Variants in ACAP2 observed in about 807,000 individuals in gnomAD.
ACAP2 encodes the protein ArfGAP with coiled-coil, ankyrin repeat and PH domains 2.
Under a neutral mutation model 115.8 loss-of-function variants are expected in ACAP2, and 39 were observed. That is an observed-to-expected ratio of 0.34 (90% CI 0.26 to 0.44). The LOEUF is 0.44. ACAP2 is among the 20% of genes least tolerant of loss of function. The pLI is 1.00. For synonymous variants in ACAP2, 289 were observed against 315.8 expected (o/e 0.92, Z 0.90); for missense variants, 662 against 927.6 (o/e 0.71, Z 3.72).
At chr3:195,377,715 T>C (rs1348403585) in intron 4 of ACAP2, among the ~76,000 whole-genome samples, 1 of 152,152 alleles carries the variant, frequency 6.6e-6, no homozygotes, top group Non-Finnish European at 1.5e-5. Flanking sequence ...GATGGTATAT[T>C]AACTATAAAA....
intron 4 of ACAP2, among the ~76,000 whole-genome samples, chr3:195,360,570 C>T (rs946530522): frequency 6.6e-6 from 1 of 152,044 alleles, no homozygotes; most frequent in Non-Finnish European, 1.5e-5. Context: ...CCAAGGCGGG[C>T]GATCACCTGA....
chr3:195,343,316 G>C (rs1730993790), intron 5 of ACAP2, among the ~76,000 whole-genome samples: 1 of 152,148 alleles, frequency 6.6e-6, no homozygotes, highest in South Asian at 2.1e-4. Flanking sequence ...ACAGGGCACT[G>C]GTTAAAAATG....
At chr3:195,381,330 C>T (rs1389239782) in intron 3 of ACAP2, among the ~76,000 whole-genome samples, 2 of 152,054 alleles carry the variant, frequency 1.3e-5, no homozygotes, top group Non-Finnish European at 1.5e-5. Context: ...TAAATATAAA[C>T]CTAAGGTAAA....
intron 1 of ACAP2, among the ~76,000 whole-genome samples, chr3:195,417,434 C>A (rs1295777162): frequency 6.6e-6 from 1 of 152,074 alleles, no homozygotes; most frequent in African/African-American, 2.4e-5. Context: ...CTTCCTCATG[C>A]CCCATATCCA....
At position 195,443,016 on chromosome 3, in the gene ACAP2, G is replaced by C; in HGVS notation, c.-169C>G. ...GCAGCCGCGAAGACGGCGACGACTA[G>C]TCAGGCCCCAGTCCCGCCCCTCTTC... is the stretch of plus-strand genomic sequence containing the variant. On this transcript the variant is annotated 5_prime_UTR_variant, in exon 1 of 23. Transcript: ENST00000326793. 1 of 539,996 alleles carries C rather than the reference G, an allele frequency of 1.9e-6. No homozygotes were observed. Among genetic ancestry groups the C allele is most frequent in the Non-Finnish European group, 3.1e-6 (1 of 320,816 alleles). 33.5% of individuals were successfully genotyped at this position (539,996 alleles called of 1,614,324 possible).
intron 1 of ACAP2, among the ~76,000 whole-genome samples, chr3:195,400,729 C>T (rs1288802666): frequency 6.6e-6 from 1 of 152,132 alleles, no homozygotes; most frequent in Non-Finnish European, 1.5e-5. Flanking sequence ...TTGTAAACTT[C>T]ATGATTCATA....
At chr3:195,323,645 C>T (rs9844354) in intron 9 of ACAP2, among the ~76,000 whole-genome samples, 47,131 of 151,872 alleles carry the variant, frequency 0.31, 8,441 homozygotes, top group East Asian at 0.82. Flanking sequence ...AAGAATTTGC[C>T]GGCCAGGAAC....
rs548757359 is a variant in ACAP2 at position 195,374,033 on chromosome 3, A to G, written c.285+6976T>C. 7.2e-4 allele frequency among the ~76,000 whole-genome samples: 109 copies of G among 152,294 alleles called. No homozygotes were observed. In the Middle Eastern group the frequency reaches 0.014, roughly 19 times the overall value. On this transcript the variant is annotated intron_variant, in intron 4 of 22. Transcript: ENST00000326793. Reference sequence around the variant, plus strand: ...TCTGAATTCAAAAAAAGAATTATTAAAAGTAGGCAGAAGGGGGAAAAGGTA... The same window carrying G: ...TCTGAATTCAAAAAAAGAATTATTAGAAGTAGGCAGAAGGGGGAAAAGGTA...
At chr3:195,334,371 G>A (rs1011836619) in intron 7 of ACAP2, among the ~76,000 whole-genome samples, 2 of 152,032 alleles carry the variant, frequency 1.3e-5, no homozygotes, top group Non-Finnish European at 2.9e-5. Context: ...AATTTAAAAA[G>A]AGGGATGGGA....
rs755754612 is a variant in ACAP2, at chr3:195,333,079, T to C, written c.618A>G (p.Gly206=). The change falls in exon 8 of 23, where the codon GGA becomes GGG. Residue 206 remains glycine (G), a synonymous_variant. Transcript: ENST00000326793. The stretch of plus-strand genomic sequence containing the variant: ...GTCCAAGTTCACTAAACAGATCATA[T>C]CCTTGATGAAAGAAGGCCAAATGGG... ...MYAHLAFFHQ[G]YDLFSELGPY... is the part of the protein sequence containing the mutation. The C allele has an allele frequency of 7.5e-6, 12 of 1,610,116 alleles. No individual in the cohort carries two copies. The highest frequency in any genetic ancestry group is 4.0e-5 in the African/African-American group (3 of 74,520).
chr3:195,309,545 CAA>C (rs199627783), intron 10 of ACAP2, among the ~76,000 whole-genome samples: 14 of 106,508 alleles, frequency 1.3e-4, no homozygotes, highest in Admixed American at 1.9e-4. Flanking sequence ...GACTCCGTCT[CAA>C]AAAAAAAAAA....
At chr3:195,436,093 A>G (rs1715517548) in intron 1 of ACAP2, among the ~76,000 whole-genome samples, 3 of 150,060 alleles carry the variant, frequency 2.0e-5, no homozygotes. Flanking sequence ...ATACACATAC[A>G]CACACACAGA....
chr3:195,429,738 T>C (rs963472514), intron 1 of ACAP2, among the ~76,000 whole-genome samples: 2 of 152,158 alleles, frequency 1.3e-5, no homozygotes, highest in Non-Finnish European at 2.9e-5. Context: ...TTTGGGTGCT[T>C]CTACTTTAGG....
chr3:195,403,261 G>A (rs1712469517), intron 1 of ACAP2, among the ~76,000 whole-genome samples: 1 of 152,194 alleles, frequency 6.6e-6, no homozygotes, highest in Non-Finnish European at 1.5e-5. Context: ...AAGGGAGAGA[G>A]CTGCGGAAGA....
At chr3:195,408,549 C>A (rs1264785647) in intron 1 of ACAP2, among the ~76,000 whole-genome samples, 1 of 152,162 alleles carries the variant, frequency 6.6e-6, no homozygotes, top group Non-Finnish European at 1.5e-5. Context: ...TTACACCAAC[C>A]CTTCTCAGAC....
At chr3:195,392,573 C>A (rs954716466) in intron 1 of ACAP2, among the ~76,000 whole-genome samples, 9 of 152,188 alleles carry the variant, frequency 5.9e-5, no homozygotes, top group Non-Finnish European at 1.3e-4. Context: ...CAGAACAATA[C>A]CACCCTTGTT....
intron 15 of ACAP2, among the ~76,000 whole-genome samples, chr3:195,300,554 T>G (rs1317300911): frequency 6.6e-6 from 1 of 152,212 alleles, no homozygotes; most frequent in Non-Finnish European, 1.5e-5. Flanking sequence ...AAAGGAAGAC[T>G]TGGTATGATG....
In ACAP2 at chr3:195,278,165, T is replaced by C. The variant is rs1001525309; in HGVS notation, c.*1163A>G. On this transcript the variant is annotated 3_prime_UTR_variant, in exon 23 of 23. Coordinates refer to ENST00000326793, the MANE Select transcript of ACAP2 (RefSeq NM_012287.6). ...TGGAATCAGACTAATTTGTAGCATA[T>C]AAATGGTAATGTTTATCCATAATAT... 2.0e-5 allele frequency: 3 copies of C among 151,926 alleles called. No homozygotes were observed. Among genetic ancestry groups the C allele is most frequent in the Non-Finnish European group, 4.4e-5 (3 of 68,002 alleles). 9.4% of individuals were successfully genotyped at this position (151,926 alleles called of 1,614,324 possible). A position where few individuals can be genotyped will look rare whatever the true frequency, so the allele number is the denominator to read the frequency against.
In ACAP2 at chr3:195,292,470, A is replaced by G; in HGVS notation, c.1766-18T>C. On this transcript the variant is annotated intron_variant, in intron 18 of 22. Coordinates refer to ENST00000326793, the MANE Select transcript of ACAP2 (RefSeq NM_012287.6). ...TTCTCCTTCTGAAAAGCAAACACATACACATCAATAAAAATGAGCTCTTGG... is the reference window on the plus strand; with the variant it reads ...TTCTCCTTCTGAAAAGCAAACACATGCACATCAATAAAAATGAGCTCTTGG... The G allele has an allele frequency of 6.4e-7, 1 of 1,572,092 alleles. No individual in the cohort carries two copies. The highest frequency in any genetic ancestry group is 8.6e-7 in the Non-Finnish European group (1 of 1,165,652).
Sources: gnomAD v4.1 joint callset for allele counts (sites outside exome capture counted in the v4.1 genomes callset) on GRCh38, gnomAD v4.1.1 for gene constraint, MANE v1.5 for transcripts, NCBI Gene and HGNC (gene_info 2026-07-23, HGNC 2026-07-21) for gene names.